Variants in CYYR1 observed in about 807,000 individuals in gnomAD.
CYYR1 encodes cysteine and tyrosine-rich protein 1.
In CYYR1, 14 loss-of-function variants were observed where a neutral mutation model predicts 15.2. The ratio of observed to expected loss-of-function variants is 0.92; its 90% CI spans 0.61 to 1.44. CYYR1 has a LOEUF of 1.44. Ranked by LOEUF, CYYR1 falls within the 40% of genes most tolerant of loss-of-function variation. The pLI, the probability that CYYR1 is intolerant of heterozygous loss-of-function variation, is 0.00. For synonymous variants in CYYR1, 80 were observed against 77.4 expected, an observed-to-expected ratio of 1.03 and a Z score of -0.18; for missense variants, 228 against 209.5, an observed-to-expected ratio of 1.09 and a Z score of -0.54.
chr21:26,493,913 A>T (rs978165426), intron 2 of CYYR1, among the ~76,000 whole-genome samples: 1 of 152,244 alleles, frequency 6.6e-6, no homozygotes, highest in Non-Finnish European at 1.5e-5. Flanking sequence ...GCATGCATAG[A>T]TAGGAAGTTT....
chr21:26,535,056 T>C (rs142373158), intron 2 of CYYR1, among the ~76,000 whole-genome samples: 94 of 152,270 alleles, frequency 6.2e-4, no homozygotes, highest in Non-Finnish European at 1.1e-3. Flanking sequence ...CCACAGTTCA[T>C]TGGAAATTCA....
chr21:26,552,738 G>A (rs2123689254), intron 2 of CYYR1, among the ~76,000 whole-genome samples: 1 of 152,062 alleles, frequency 6.6e-6, no homozygotes, highest in Non-Finnish European at 1.5e-5. Flanking sequence ...TATCATTTTA[G>A]TTGGAATATA....
intron 2 of CYYR1, among the ~76,000 whole-genome samples, chr21:26,501,374 C>G (rs2065480260): frequency 6.6e-6 from 1 of 152,102 alleles, no homozygotes; most frequent in African/African-American, 2.4e-5. Context: ...TGGAAAAGGC[C>G]TGTTCTGAAT....
chr21:26,557,409 C>T (rs1396493606), intron 2 of CYYR1, among the ~76,000 whole-genome samples: 2 of 152,122 alleles, frequency 1.3e-5, no homozygotes, highest in African/African-American at 4.8e-5. Context: ...ATATTCAATT[C>T]AGAATGAACT....
At chr21:26,556,789 G>C (rs1327140461) in intron 2 of CYYR1, among the ~76,000 whole-genome samples, 7 of 152,118 alleles carry the variant, frequency 4.6e-5, no homozygotes, top group Admixed American at 4.6e-4. Context: ...ACTGAGGATT[G>C]CAATTCGACA....
intron 2 of CYYR1, among the ~76,000 whole-genome samples, chr21:26,499,461 G>C (rs1337111013): frequency 6.6e-6 from 1 of 152,226 alleles, no homozygotes; most frequent in Non-Finnish European, 1.5e-5. Flanking sequence ...CTGGTCCCCA[G>C]AACGTCAAGA....
chr21:26,524,165 A>G (rs1332254231), intron 2 of CYYR1, among the ~76,000 whole-genome samples: 1 of 152,178 alleles, frequency 6.6e-6, no homozygotes, highest in Non-Finnish European at 1.5e-5. Flanking sequence ...GTTGTTTTGC[A>G]TGTTGGTATT....
At chr21:26,489,778 C>T (rs969645724) in intron 2 of CYYR1, among the ~76,000 whole-genome samples, 1 of 151,948 alleles carries the variant, frequency 6.6e-6, no homozygotes, top group Non-Finnish European at 1.5e-5. Context: ...CTGTTTAACA[C>T]CAATATTTGG....
intron 2 of CYYR1, among the ~76,000 whole-genome samples, chr21:26,501,207 A>G (rs556041386): frequency 7.6e-4 from 115 of 152,280 alleles, no homozygotes; most frequent in Non-Finnish European, 1.3e-3. Flanking sequence ...GCGTGGTGGC[A>G]CATGCCTGCA....
intron 2 of CYYR1, among the ~76,000 whole-genome samples, chr21:26,519,090 G>A (rs149703505): frequency 0.012 from 1,895 of 152,220 alleles, 21 homozygotes; most frequent in Middle Eastern, 0.024. Flanking sequence ...AAAATCTTAG[G>A]CTGTATAGCC....
At chr21:26,471,226 T>C (rs994353955) in intron 3 of CYYR1, 2 of 152,184 alleles carry the variant, frequency 1.3e-5, no homozygotes, top group Non-Finnish European at 2.9e-5. Context: ...AGGAAACCCA[T>C]TGATCTGTTT....
At chr21:26,503,462 A>C (rs1222117896) in intron 2 of CYYR1, 1 of 152,216 alleles carries the variant, frequency 6.6e-6, no homozygotes, top group African/African-American at 2.4e-5. Context: ...TAAATTAATT[A>C]TAGAGCGAAA....
intron 2 of CYYR1, among the ~76,000 whole-genome samples, chr21:26,553,769 G>A (rs222962): frequency 0.7 from 106,890 of 152,056 alleles, 38,553 homozygotes; most frequent in East Asian, 0.87. Context: ...ACTCAGAACT[G>A]GAACCAACCC....
At chr21:26,473,169 C>T (rs1163339421) in intron 3 of CYYR1, among the ~76,000 whole-genome samples, 2 of 151,936 alleles carry the variant, frequency 1.3e-5, no homozygotes, top group African/African-American at 4.8e-5. Context: ...GTTTTGATAC[C>T]TGGTAGAACT....
At chr21:26,537,650 C>A (rs1187375678) in intron 2 of CYYR1, among the ~76,000 whole-genome samples, 1 of 152,072 alleles carries the variant, frequency 6.6e-6, no homozygotes, top group Non-Finnish European at 1.5e-5. Flanking sequence ...CAATGCTTAA[C>A]CTCCAACTGC....
intron 3 of CYYR1, among the ~76,000 whole-genome samples, chr21:26,479,671 T>A (rs1208432192): frequency 2.0e-5 from 3 of 152,104 alleles, no homozygotes; most frequent in East Asian, 1.9e-4. Flanking sequence ...TGTTGAAATT[T>A]TTTTTTTCTT....
intron 2 of CYYR1, among the ~76,000 whole-genome samples, chr21:26,544,584 A>G (rs1978816016): frequency 6.6e-6 from 1 of 152,180 alleles, no homozygotes; most frequent in Non-Finnish European, 1.5e-5. Context: ...CAAACTCTAC[A>G]GTCAGGGCCC....
chr21:26,476,250 G>A (rs2065101702), intron 3 of CYYR1, among the ~76,000 whole-genome samples: 2 of 152,078 alleles, frequency 1.3e-5, no homozygotes, highest in Admixed American at 6.6e-5. Flanking sequence ...GATCTTCCAG[G>A]TGGGACCTAC....
At chr21:26,562,834 A>ACACACACACG (rs1555912099) in intron 2 of CYYR1, among the ~76,000 whole-genome samples, 1 of 151,270 alleles carries the variant, frequency 6.6e-6, no homozygotes, top group Non-Finnish European at 1.5e-5. Context: ...ACACACGGAC[A>ACACACACACG]GACTTAGCTT....
Sources: gnomAD v4.1 joint callset for allele counts (sites outside exome capture counted in the v4.1 genomes callset) on GRCh38, gnomAD v4.1.1 for gene constraint, MANE v1.5 for transcripts, NCBI Gene and HGNC (gene_info 2026-07-23, HGNC 2026-07-21) for gene names.